Variants in ASIC2 observed in about 807,000 individuals in gnomAD.
The protein encoded by ASIC2 is acid-sensing ion channel 2.
ASIC2 carries 25 observed loss-of-function variants against 57.3 expected under a neutral mutation model. The ratio of observed to expected loss-of-function variants is 0.44; its 90% confidence interval spans 0.32 to 0.61. The LOEUF is 0.61. Among genes scored for constraint, ASIC2 ranks in the 20% least tolerant of loss-of-function variants. ASIC2 has a pLI of 0.06. For synonymous variants in ASIC2, 319 were observed against 307.5 expected (o/e 1.04, Z -0.39); for missense variants, 641 against 738.1 (o/e 0.87, Z 1.52).
At chr17:33,586,952 A>G (rs924232660) in intron 1 of ASIC2, among the ~76,000 whole-genome samples, 24 of 152,222 alleles carry the variant, frequency 1.6e-4, no homozygotes, top group Non-Finnish European at 2.8e-4. Flanking sequence ...CACACCTAGC[A>G]TCTAGCACTG....
intron 1 of ASIC2, chr17:34,039,989 C>A: frequency 8.9e-6 from 7 of 788,096 alleles, no homozygotes; most frequent in Admixed American, 3.2e-5. Context: ...GAGCCGGGGC[C>A]TCTCCTGAGC....
chr17:33,169,044 G>T (rs1296712480), intron 1 of ASIC2, among the ~76,000 whole-genome samples: 1 of 152,186 alleles, frequency 6.6e-6, no homozygotes, highest in African/African-American at 2.4e-5. Flanking sequence ...GGTTTCAGGG[G>T]ATGGGCCAGG....
chr17:33,734,129 C>T (rs545230568), intron 1 of ASIC2, among the ~76,000 whole-genome samples: 12 of 152,300 alleles, frequency 7.9e-5, no homozygotes, highest in African/African-American at 2.9e-4. Flanking sequence ...CCTGCATCTG[C>T]GCCAGGCTCT....
At chr17:33,834,227 T>A (rs1349618349) in intron 1 of ASIC2, 1 of 152,282 alleles carries the variant, frequency 6.6e-6, no homozygotes, top group East Asian at 1.9e-4. Context: ...TATCTTTTGC[T>A]TTCAAAGCCA....
chr17:33,792,028 T>G (rs943897164), intron 1 of ASIC2: 4 of 152,094 alleles, frequency 2.6e-5, no homozygotes, highest in Admixed American at 2.6e-4. Flanking sequence ...CAGGTTTGTC[T>G]CGAATTTCTG....
intron 1 of ASIC2, among the ~76,000 whole-genome samples, chr17:33,350,902 A>G (rs907129014): frequency 6.6e-5 from 10 of 152,150 alleles, no homozygotes; most frequent in African/African-American, 2.4e-4. Context: ...CTCTTTCCTT[A>G]GAACGATCTC....
Position 33,420,603 on chromosome 17 carries a change from G to A in ASIC2, c.556-308536C>T, listed in dbSNP as rs1911010370. On this transcript the variant is annotated intron_variant, in intron 1 of 9. Coordinates refer to the ASIC2 transcript ENST00000359872. ...GTTGTTTGCTTTCAGGAGTCTTTGT[G>A]AGAATACAGATATCTGCTTTTGATT... Among the ~76,000 whole-genome samples, 3 of 152,162 alleles carry A rather than the reference G, an allele frequency of 2.0e-5. No homozygotes were observed. In the South Asian group the frequency reaches 6.2e-4, roughly 32 times the overall value.
At chr17:33,797,027 G>A (rs552483111) in intron 1 of ASIC2, among the ~76,000 whole-genome samples, 24 of 152,350 alleles carry the variant, frequency 1.6e-4, no homozygotes, top group Non-Finnish European at 3.1e-4. Flanking sequence ...GACATGTTCA[G>A]TGCATGTTAT....
chr17:33,088,541 T>C (rs1052688966), intron 3 of ASIC2, among the ~76,000 whole-genome samples: 5 of 151,464 alleles, frequency 3.3e-5, no homozygotes, highest in Admixed American at 3.3e-4. Context: ...TGGTTAGCAG[T>C]TTTCCTTAGC....
intron 1 of ASIC2, among the ~76,000 whole-genome samples, chr17:33,989,132 T>A (rs1286601358): frequency 6.6e-6 from 1 of 152,122 alleles, no homozygotes; most frequent in East Asian, 1.9e-4. Flanking sequence ...AAGCCCTTTT[T>A]CTTGTTAGTG....
At chr17:34,013,323 T>A (rs982883865) in intron 1 of ASIC2, among the ~76,000 whole-genome samples, 2 of 152,272 alleles carry the variant, frequency 1.3e-5, no homozygotes, top group East Asian at 1.9e-4. Flanking sequence ...GAACACAGAC[T>A]GTAGAACTAG....
chr17:33,344,342 TC>T (rs1413413825), intron 1 of ASIC2, among the ~76,000 whole-genome samples: 1 of 152,150 alleles, frequency 6.6e-6, no homozygotes, highest in African/African-American at 2.4e-5. Flanking sequence ...TGAAGACTCT[TC>T]CTGCAGCAGC....
chr17:34,103,822 CT>C (rs1910951467), intron 1 of ASIC2, among the ~76,000 whole-genome samples: 1 of 152,156 alleles, frequency 6.6e-6, no homozygotes, highest in African/African-American at 2.4e-5. Context: ...ATGTGTCTAT[CT>C]TTATGCCAAT....
chr17:33,118,539 C>A (rs1029197186), intron 1 of ASIC2, among the ~76,000 whole-genome samples: 12 of 152,184 alleles, frequency 7.9e-5, no homozygotes, highest in African/African-American at 2.9e-4. Context: ...TTGTTCCTGG[C>A]AGACTAGTGA....
chr17:33,765,686 T>C (rs371744268), intron 1 of ASIC2, among the ~76,000 whole-genome samples: 2 of 152,340 alleles, frequency 1.3e-5, no homozygotes, highest in East Asian at 3.9e-4. Context: ...AGCTATGCAA[T>C]TGAGTTCTTG....
At chr17:33,879,786 A>G (rs1022206853) in intron 1 of ASIC2, among the ~76,000 whole-genome samples, 1 of 152,226 alleles carries the variant, frequency 6.6e-6, no homozygotes, top group Non-Finnish European at 1.5e-5. Context: ...CTCCACCCAA[A>G]ATCAACAGAA....
In ASIC2 at chr17:33,269,244, A is replaced by G. The variant is rs137920261; in HGVS notation, c.708+22164T>C. Among the ~76,000 whole-genome samples the G allele has an allele frequency of 2.6e-3, 394 of 152,312 alleles. 9 individuals are homozygous for G. The highest frequency in any genetic ancestry group is 0.022 in the Admixed American group (331 of 15,298). Reference sequence around the variant, plus strand: ...ATAAATCCAGATCCTACACTCACACATGATGGAGGCTTGCAGACTTTAGTT... The same window carrying G: ...ATAAATCCAGATCCTACACTCACACGTGATGGAGGCTTGCAGACTTTAGTT... On this transcript the variant is annotated intron_variant, in intron 1 of 9. Coordinates refer to ENST00000225823, the MANE Select transcript of ASIC2 (RefSeq NM_183377.2).
intron 1 of ASIC2, among the ~76,000 whole-genome samples, chr17:33,840,757 A>T (rs1352236023): frequency 6.7e-6 from 1 of 148,604 alleles, no homozygotes; most frequent in African/African-American, 2.5e-5. Flanking sequence ...TGGAATATTA[A>T]TTCAAATCAA....
At chr17:33,819,452 A>T (rs972039122) in intron 1 of ASIC2, among the ~76,000 whole-genome samples, 1 of 152,206 alleles carries the variant, frequency 6.6e-6, no homozygotes, top group Non-Finnish European at 1.5e-5. Context: ...AGGGAGATAC[A>T]TTTATGCCAA....
Sources: gnomAD v4.1 joint callset for allele counts (sites outside exome capture counted in the v4.1 genomes callset) on GRCh38, gnomAD v4.1.1 for gene constraint, MANE v1.5 for transcripts, NCBI Gene and HGNC (gene_info 2026-07-23, HGNC 2026-07-21) for gene names.